PEG3: variants seen among roughly 807,000 people sequenced by gnomAD.
The protein encoded by PEG3 is paternally-expressed gene 3 protein.
Under a neutral mutation model 35.5 loss-of-function variants are expected in PEG3, and 23 were observed. That is an observed-to-expected ratio of 0.65 (90% CI 0.47 to 0.92). The LOEUF is 0.92. Among genes scored for constraint, PEG3 ranks in the 40% least tolerant of loss-of-function variants. The pLI, the probability that PEG3 is intolerant of heterozygous loss-of-function variation, is 0.00. For synonymous variants in PEG3, 707 were observed against 697.0 expected, an observed-to-expected ratio of 1.01 and a Z score of -0.23; for missense variants, 1,960 against 1,985.3, an observed-to-expected ratio of 0.99 and a Z score of 0.24.
chr19:56,823,546 T>TG (rs1284834280), intron 5 of PEG3, 47 bp downstream of exon 5: 1 of 1,612,230 alleles, frequency 6.2e-7, no homozygotes, highest in Non-Finnish European at 8.5e-7. Flanking sequence ...TGGAAGCATC[T>TG]GGCAGCGCCT....
rs779117157 is a variant in PEG3 at position 56,815,925 on chromosome 19, CACT to C, written c.2514_2516del (p.Val839del). On this transcript the variant is annotated inframe_deletion, in exon 10 of 10. Transcript: ENST00000326441. Reference sequence around the variant, plus strand: ...TGTGACTTCTTGGAGGTTTGGAAGCCACTAAGCTATGGATAACAGACCTACTGT... The same window carrying C: ...TGTGACTTCTTGGAGGTTTGGAAGCCAAGCTATGGATAACAGACCTACTGT... The C allele has an allele frequency of 1.3e-4, 203 of 1,608,366 alleles. 1 individual carries two copies. Among genetic ancestry groups the C allele is most frequent in the Middle Eastern group, 5.0e-4 (3 of 6,034 alleles).
Position 56,811,793 on chromosome 19 carries a change from TC to T in PEG3, c.*1881del. On this transcript the variant is annotated 3_prime_UTR_variant, in exon 10 of 10. Transcript: ENST00000326441. ...ACACCATACCATCAAAAACTCCTTT[TC>T]CAAACTGCTCAGGACACCCCGCTCA... 1.0e-6 allele frequency: 1 copy of T among 985,452 alleles called. No homozygotes were observed. The highest frequency in any genetic ancestry group is 1.2e-6 in the Non-Finnish European group (1 of 829,968). The allele number at this position is 985,452 out of a possible 1,614,324, so 61.0% of individuals were successfully genotyped here.
intron 7 of PEG3, among the ~76,000 whole-genome samples, chr19:56,820,547 C>T (rs985651838): frequency 1.3e-5 from 2 of 152,198 alleles, no homozygotes; most frequent in African/African-American, 4.8e-5. Flanking sequence ...TGGTTCCCAT[C>T]CCACAACTTT....
chr19:56,837,492 T>C (rs2062289168), intron 1 of PEG3, among the ~76,000 whole-genome samples: 1 of 152,252 alleles, frequency 6.6e-6, no homozygotes. Flanking sequence ...GAGTTTGGCC[T>C]TGGATTCCAC....
chr19:56,814,861 T>G lies in PEG3; in HGVS notation c.3581A>C (p.Lys1194Thr), dbSNP rs773424249. 1.2e-6 allele frequency: 2 copies of G among 1,614,036 alleles called. No homozygotes were observed. Among genetic ancestry groups the G allele is most frequent in the Non-Finnish European group, 1.7e-6 (2 of 1,180,038 alleles). Residue 1194 changes from lysine (K) to threonine (T), a missense_variant, in exon 10 of 10, where the codon AAG (lysine) becomes ACG (threonine). Lys to Thr is a moderately conservative substitution (Grantham distance 78, BLOSUM62 -1). Around this residue, in one of 5 missense-constraint regions of PEG3, gnomAD observed 124 missense variants for 179.6 expected, o/e 0.69. Transcript: ENST00000326441. This position sits in a 1 kb window ranked among gnomAD's most constrained non-coding sequence, Gnocchi z 5.8. ...IHEQDQLYSM[K>T]GCDDGFIALL... ...GGCAATAAAACCATCATCACACCCC[T>G]TCATGGAATACAACTGGTCTTGTTC... is the stretch of plus-strand genomic sequence containing the variant.
In PEG3 at chr19:56,813,760, T is replaced by C. The variant is rs1181396243; in HGVS notation, c.4682A>G (p.Glu1561Gly). ...ACAGACGTCACATTTGAAGTACTTC[T>C]CATCAGCTTGATTGGCACCACCTGT... ...TSTGGANQAD[E>G]KYFKCDVCGQ... The change falls in exon 10 of 10, where the codon GAG becomes GGG. Residue 1561 changes from glutamate (E) to glycine (G), a missense_variant. Transcript: ENST00000326441. 1 of 1,614,154 alleles carries C rather than the reference T, an allele frequency of 6.2e-7. No homozygotes were observed. Among genetic ancestry groups the C allele is most frequent in the Admixed American group, 1.7e-5 (1 of 60,026 alleles).
chr19:56,834,488 T>C (rs1366232818), intron 2 of PEG3, among the ~76,000 whole-genome samples: 2 of 152,192 alleles, frequency 1.3e-5, no homozygotes, highest in Non-Finnish European at 2.9e-5. Context: ...TTGCTGATCA[T>C]ACACACTGCT....
In PEG3 at chr19:56,815,676, G is replaced by C. The variant is rs200041700; in HGVS notation, c.2766C>G (p.Phe922Leu). Residue 922 changes from phenylalanine (F) to leucine (L), a missense_variant, in exon 10 of 10, where the codon TTC becomes TTG. By Grantham distance (22) the Phe-to-Leu change is conservative. Coordinates refer to ENST00000326441, the MANE Select transcript of PEG3 (RefSeq NM_006210.3). ...GSGEFKKDGEFSVPSSNVREY... is the reference protein window; with the variant it reads ...GSGEFKKDGELSVPSSNVREY... ...CACGGACATTTGAGCTGGGAACAGA[G>C]AATTCGCCATCCTTCTTAAACTCAC... is the stretch of plus-strand genomic sequence containing the variant. 2 of 1,614,046 alleles carry C rather than the reference G, an allele frequency of 1.2e-6. No individual in the cohort carries two copies. The highest frequency in any genetic ancestry group is 1.7e-5 in the Admixed American group (1 of 60,012).
chr19:56,811,042 G>A lies in PEG3; in HGVS notation c.*2633C>T. On this transcript the variant is annotated 3_prime_UTR_variant, in exon 10 of 10. Coordinates refer to ENST00000326441, the MANE Select transcript of PEG3 (RefSeq NM_006210.3). Reference sequence around the variant, plus strand: ...AGTTATAATCATAAACCTGTGCACAGAAACAAGAATGAACAAGATAAGAGG... The same window carrying A: ...AGTTATAATCATAAACCTGTGCACAAAAACAAGAATGAACAAGATAAGAGG... The A allele has an allele frequency of 1.0e-6, 1 of 980,940 alleles. No individual in the cohort carries two copies. Among genetic ancestry groups the A allele is most frequent in the South Asian group, 4.7e-5 (1 of 21,116 alleles). 60.8% of individuals were successfully genotyped at this position (980,940 alleles called of 1,614,324 possible). A position where few individuals can be genotyped will look rare whatever the true frequency, so the allele number is the denominator to read the frequency against.
In PEG3 at chr19:56,836,117, A is replaced by T. The variant is rs2062073445; in HGVS notation, c.-249-13T>A. 3 of 461,590 alleles carry T rather than the reference A, an allele frequency of 6.5e-6. No homozygotes were observed. Among genetic ancestry groups the T allele is most frequent in the Non-Finnish European group, 1.3e-5 (3 of 228,982 alleles). The allele number at this position is 461,590 out of a possible 1,614,324, so 28.6% of individuals were successfully genotyped here. On this transcript the variant is annotated splice_polypyrimidine_tract_variant and intron_variant, in intron 1 of 9. Transcript: ENST00000326441. ...CAAGAAGGCAAAGCTGTAGAGGAAA[A>T]GAAAATGTGAGACGCCAAGTTTATT...
chr19:56,818,717 A>G lies in PEG3; in HGVS notation c.670-15T>C, dbSNP rs755099668. 1.2e-6 allele frequency: 2 copies of G among 1,613,872 alleles called. No individual in the cohort carries two copies. Among genetic ancestry groups the G allele is most frequent in the East Asian group, 2.2e-5 (1 of 44,882 alleles). ...GATTCAGCATCCTAAAACAGCAAAC[A>G]CAGACCTCTCAATGGAGTCTGTCCC... On this transcript the variant is annotated splice_polypyrimidine_tract_variant and intron_variant, in intron 7 of 9. Transcript: ENST00000326441.
In PEG3 at chr19:56,811,033, C is replaced by A; in HGVS notation, c.*2642G>T. 1.0e-6 allele frequency: 1 copy of A among 980,222 alleles called. No individual in the cohort carries two copies. 60.7% of individuals were successfully genotyped at this position (980,222 alleles called of 1,614,324 possible). ...TTTTGACACAGTTATAATCATAAAC[C>A]TGTGCACAGAAACAAGAATGAACAA... is the stretch of plus-strand genomic sequence containing the variant. On this transcript the variant is annotated 3_prime_UTR_variant, in exon 10 of 10. Coordinates refer to ENST00000326441, the MANE Select transcript of PEG3 (RefSeq NM_006210.3).
At position 56,817,498 on chromosome 19, in the gene PEG3, A is replaced by G. The variant is rs756739884; in HGVS notation, c.944T>C (p.Met315Thr). The G allele has an allele frequency of 1.9e-6, 3 of 1,612,250 alleles. No homozygotes were observed. The South Asian group carries it at 3.3e-5, about 18-fold the overall frequency. ...CEDESSHGVI[M>T]EKFIKDVSRS... ...TGACACATCCTTGATGAATTTTTCCATTATCACTCCGTGGGAAGATTCATC... is the reference window on the plus strand; with the variant it reads ...TGACACATCCTTGATGAATTTTTCCGTTATCACTCCGTGGGAAGATTCATC... Residue 315 changes from methionine (M) to threonine (T), a missense_variant, in exon 10 of 10, where the codon ATG (methionine) becomes ACG (threonine). By Grantham distance (81) the Met-to-Thr change is moderately conservative (BLOSUM62 -1). This residue lies in a region of PEG3 where 613 missense variants were observed against 577.1 expected (regional missense o/e 1.06). Coordinates refer to ENST00000326441, the MANE Select transcript of PEG3 (RefSeq NM_006210.3).
rs1460131938 is a variant in PEG3 at position 56,816,374 on chromosome 19, C to T, written c.2068G>A (p.Gly690Ser). 1.9e-6 allele frequency: 3 copies of T among 1,614,102 alleles called. No individual in the cohort carries two copies. The highest frequency in any genetic ancestry group is 1.7e-5 in the Admixed American group (1 of 60,016). The change falls in exon 10 of 10, where the codon GGC becomes AGC. Residue 690 changes from glycine to serine, a missense_variant. Coordinates refer to ENST00000326441, the MANE Select transcript of PEG3 (RefSeq NM_006210.3). Reference sequence around the variant, plus strand: ...GAGCTTTGCATGAAGGCATCCCGGCCATCTGTAAAGTCACAGAGCTTCTCC... The same window carrying T: ...GAGCTTTGCATGAAGGCATCCCGGCTATCTGTAAAGTCACAGAGCTTCTCC... ...NKEKLCDFTD[G>S]RDAFMQSSEL... is the part of the protein sequence containing the mutation.
At chr19:56,821,558 G>A (rs549583937) in intron 7 of PEG3, 93 bp downstream of exon 7, 3 of 1,488,014 alleles carry the variant, frequency 2.0e-6, no homozygotes. Context: ...CTGGACTCTA[G>A]GGGGCAGATA....
At chr19:56,837,829 C>T (rs1255619585) in intron 1 of PEG3, among the ~76,000 whole-genome samples, 1 of 152,240 alleles carries the variant, frequency 6.6e-6, no homozygotes, top group African/African-American at 2.4e-5. Flanking sequence ...TCTGCTGCCC[C>T]CGCCACCGGC....
rs775853606 is a variant in PEG3 at position 56,824,617 on chromosome 19, C to G, written c.39G>C (p.Lys13Asn). Residue 13 changes from lysine to asparagine, a missense_variant, in exon 4 of 10, where the codon AAG (lysine) becomes AAC (asparagine). Physicochemically the swap from Lys to Asn is moderately conservative, Grantham distance 94. Coordinates refer to ENST00000326441, the MANE Select transcript of PEG3 (RefSeq NM_006210.3). ...CATACAGATTTGGGGCCCAGGACTT[C>G]TTAGGTTTGGTGGCAGACAAGTGCT... ...PPKHLSATKP[K>N]KSWAPNLYEL... 1.9e-6 allele frequency: 3 copies of G among 1,607,368 alleles called. No individual in the cohort carries two copies. In the South Asian group the frequency reaches 3.3e-5, roughly 18 times the overall value.
intron 4 of PEG3, 58 bp from the exon 5 acceptor site, chr19:56,823,737 C>T (rs947059056): frequency 1.9e-6 from 3 of 1,584,970 alleles, no homozygotes; most frequent in South Asian, 2.2e-5. Flanking sequence ...ACAATAGTTC[C>T]CCCCAATCCC....
At chr19:56,826,094 G>A (rs543737500) in intron 3 of PEG3, among the ~76,000 whole-genome samples, 1 of 152,280 alleles carries the variant, frequency 6.6e-6, no homozygotes, top group East Asian at 1.9e-4. Context: ...ATAGGACTGA[G>A]AAACCACGGA....
Sources: allele counts gnomAD v4.1 joint callset (sites outside exome capture counted in the v4.1 genomes callset), GRCh38; gene constraint gnomAD v4.1.1; regional missense constraint gnomAD v4.1.1; non-coding constraint Gnocchi (gnomAD v3.1); transcripts MANE v1.5; gene names NCBI Gene and HGNC (gene_info 2026-07-23, HGNC 2026-07-21).